TASP1: variants seen among roughly 807,000 people sequenced by gnomAD.
TASP1 encodes the protein taspase 1, also known as threonine aspartase 1.
Under a neutral mutation model 56.6 loss-of-function variants are expected in TASP1, and 16 were observed. The observed-to-expected ratio is 0.28, with a 90% confidence interval of 0.19 to 0.43. The LOEUF (loss-of-function observed/expected upper bound fraction) is 0.43. Among genes scored for constraint, TASP1 ranks in the 20% least tolerant of loss-of-function variants. TASP1 has a pLI of 1.00. For synonymous variants in TASP1, 179 were observed against 184.2 expected (o/e 0.97, Z 0.23); for missense variants, 393 against 511.6 (o/e 0.77, Z 2.24).
chr20:13,466,100 AC>A (rs1229716026), intron 11 of TASP1, among the ~76,000 whole-genome samples: 1 of 152,202 alleles, frequency 6.6e-6, no homozygotes, highest in African/African-American at 2.4e-5. Flanking sequence ...CAAGACATTA[AC>A]ATTAGGAGAA....
intron 12 of TASP1, among the ~76,000 whole-genome samples, chr20:13,423,030 C>G (rs2042498880): frequency 6.6e-6 from 1 of 152,194 alleles, no homozygotes; most frequent in African/African-American, 2.4e-5. Context: ...ATTTATTCCA[C>G]AGATATGCCT....
At chr20:13,295,895 T>G in the TASP1 span, among the ~76,000 whole-genome samples, 1 of 152,146 alleles carries the variant, frequency 6.6e-6, no homozygotes, top group Admixed American at 6.5e-5. Context: ...CAGCAAAGCA[T>G]CCACAGCAGG....
chr20:13,319,944 C>A, the TASP1 span, among the ~76,000 whole-genome samples: 1 of 152,190 alleles, frequency 6.6e-6, no homozygotes, highest in Non-Finnish European at 1.5e-5. Flanking sequence ...GCACCACCAG[C>A]ATGACACAGA....
At chr20:13,215,260 C>T in the TASP1 span, among the ~76,000 whole-genome samples, 1 of 152,178 alleles carries the variant, frequency 6.6e-6, no homozygotes, top group Admixed American at 6.5e-5. Flanking sequence ...GTAAAGGAAG[C>T]TAAATGAACT....
Position 13,623,467 on chromosome 20 carries a change from A to G in TASP1, c.261T>C (p.Thr87=). The stretch of plus-strand genomic sequence containing the variant: ...ATACCTCAAGTTCCACCAGTGCTGC[A>G]GTGACTGCGTCAGTTGCAAGAGCAC... ...QAGALATDAV[T]AALVELEDSP... The change falls in exon 4 of 14, where the codon ACT becomes ACC. Residue 87 remains threonine, a synonymous_variant. Transcript: ENST00000337743. 1 of 1,609,622 alleles carries G rather than the reference A, an allele frequency of 6.2e-7. No homozygotes were observed. The highest frequency in any genetic ancestry group is 1.1e-5 in the South Asian group (1 of 90,896).
chr20:13,605,440 G>A (rs1265782978), intron 4 of TASP1, among the ~76,000 whole-genome samples: 1 of 152,078 alleles, frequency 6.6e-6, no homozygotes, highest in East Asian at 1.9e-4. Context: ...CACTTTTGGA[G>A]GCTGAGACAG....
chr20:13,606,613 C>A (rs2048164715), intron 4 of TASP1, among the ~76,000 whole-genome samples: 1 of 151,994 alleles, frequency 6.6e-6, no homozygotes, highest in Admixed American at 6.6e-5. Context: ...CGAGACCATC[C>A]TGACTAACAC....
chr20:13,339,180 A>T, the TASP1 span, among the ~76,000 whole-genome samples: 1 of 152,180 alleles, frequency 6.6e-6, no homozygotes, highest in East Asian at 1.9e-4. Context: ...TGTGACTTGA[A>T]TCCCATTGGC....
chr20:13,379,040 C>T, the TASP1 span, among the ~76,000 whole-genome samples: 22,187 of 151,980 alleles, frequency 0.15, 2,489 homozygotes, highest in African/African-American at 0.31. Flanking sequence ...TTTGCCTCTC[C>T]GTGTCTTTTA....
At chr20:13,421,498 TCTC>T (rs1239626489) in intron 12 of TASP1, among the ~76,000 whole-genome samples, 1 of 151,864 alleles carries the variant, frequency 6.6e-6, no homozygotes, top group African/African-American at 2.4e-5. Context: ...TATTTAAAGA[TCTC>T]CTACAAATCA....
intron 8 of TASP1, among the ~76,000 whole-genome samples, chr20:13,534,795 T>A (rs75971037): frequency 0.021 from 3,159 of 152,278 alleles, 54 homozygotes; most frequent in Middle Eastern, 0.054. Context: ...CCCACATGTT[T>A]AAGGCACATA....
chr20:13,178,178 G>GA, the TASP1 span, among the ~76,000 whole-genome samples: 1 of 151,984 alleles, frequency 6.6e-6, no homozygotes, highest in African/African-American at 2.4e-5. Flanking sequence ...TATCATCAGG[G>GA]AAACGCAAAT....
chr20:13,230,776 C>A, the TASP1 span, among the ~76,000 whole-genome samples: 4,713 of 151,584 alleles, frequency 0.031, 255 homozygotes, highest in African/African-American at 0.11. Flanking sequence ...GAAAAAAAAA[C>A]CTCACTTTGC....
chr20:13,562,609 G>T (rs1467584465), intron 7 of TASP1, among the ~76,000 whole-genome samples: 3 of 152,038 alleles, frequency 2.0e-5, no homozygotes. Context: ...AGGCACAGTG[G>T]CTCATGCCTG....
intron 12 of TASP1, among the ~76,000 whole-genome samples, chr20:13,423,498 A>G (rs956136612): frequency 6.6e-6 from 1 of 152,246 alleles, no homozygotes; most frequent in Non-Finnish European, 1.5e-5. Context: ...TTTAAAAAAA[A>G]ACACTAGTCT....
Position 13,629,999 on chromosome 20 carries a change from G to T in TASP1, c.80C>A (p.Ala27Asp). ...SSQVSAGKIT[A>D]KELETKQSYK... Reference sequence around the variant, plus strand: ...GGACTGCTTTGTTTCCAACTCTTTGGCTGTTATTTTACCAGCCGAAACCTG... The same window carrying T: ...GGACTGCTTTGTTTCCAACTCTTTGTCTGTTATTTTACCAGCCGAAACCTG... Residue 27 changes from alanine to aspartate, a missense_variant, in exon 2 of 14, where the codon GCC becomes GAC. Around this residue, in one of 3 missense-constraint regions of TASP1, gnomAD observed 52 missense variants for 51.1 expected, o/e 1.02. Transcript: ENST00000337743. 6.2e-7 allele frequency: 1 copy of T among 1,613,832 alleles called. No homozygotes were observed. Among genetic ancestry groups the T allele is most frequent in the Non-Finnish European group, 8.5e-7 (1 of 1,179,952 alleles).
chr20:13,349,125 C>G, the TASP1 span, among the ~76,000 whole-genome samples: 4 of 152,130 alleles, frequency 2.6e-5, no homozygotes, highest in African/African-American at 7.2e-5. Context: ...TGGTTTGGTT[C>G]CTGGGGCCTT....
At chr20:13,347,264 G>C in the TASP1 span, among the ~76,000 whole-genome samples, 1 of 152,140 alleles carries the variant, frequency 6.6e-6, no homozygotes, top group Non-Finnish European at 1.5e-5. Context: ...GCTTTTTCAA[G>C]TACTAAGGAG....
rs1025224761 is a variant in TASP1, at chr20:13,578,272, A to G, written c.488+2625T>C. Among the ~76,000 whole-genome samples, 2 of 151,320 alleles carry G rather than the reference A, an allele frequency of 1.3e-5. 1 individual carries two copies. Among genetic ancestry groups the G allele is most frequent in the South Asian group, 4.1e-4 (2 of 4,822 alleles). On this transcript the variant is annotated intron_variant, in intron 6 of 13. Coordinates refer to ENST00000337743, the MANE Select transcript of TASP1 (RefSeq NM_017714.3). ...GCACCTTTTAATGTATTTATATCTC[A>G]TTAATATTTTCTTTCCCATAAATTG...
Sources: allele counts gnomAD v4.1 joint callset (sites outside exome capture counted in the v4.1 genomes callset), GRCh38; gene constraint gnomAD v4.1.1; regional missense constraint gnomAD v4.1.1; transcripts MANE v1.5; gene names NCBI Gene and HGNC (gene_info 2026-07-23, HGNC 2026-07-21).